Variants in GIPC2 observed in about 807,000 individuals in gnomAD.
GIPC2 encodes the protein PDZ domain-containing protein GIPC2.
A neutral mutation model predicts 30.6 loss-of-function variants in GIPC2; 30 were observed. The observed-to-expected ratio is 0.98, with a 90% CI of 0.73 to 1.33. The LOEUF (loss-of-function observed/expected upper bound fraction) is 1.33. Ranked by LOEUF, GIPC2 falls within the 40% of genes most tolerant of loss-of-function variation. GIPC2 has a pLI of 0.00. For synonymous variants in GIPC2, 167 were observed against 150.0 expected (o/e 1.11, Z -0.83); for missense variants, 414 against 390.3 (o/e 1.06, Z -0.51).
At chr1:78,102,434 T>C (rs1662266620) in intron 3 of GIPC2, among the ~76,000 whole-genome samples, 1 of 152,264 alleles carries the variant, frequency 6.6e-6, no homozygotes, top group Non-Finnish European at 1.5e-5. Context: ...ATTTAAAAAT[T>C]ACTTTTTATT....
chr1:78,121,315 G>A (rs1207868527), intron 4 of GIPC2, among the ~76,000 whole-genome samples: 1 of 152,152 alleles, frequency 6.6e-6, no homozygotes, highest in Admixed American at 6.5e-5. Flanking sequence ...ATGCCTGTGA[G>A]CTCGGGGGGG....
Position 78,126,247 on chromosome 1 carries a change from C to T in GIPC2, c.796+285C>T, listed in dbSNP as rs565714445. On this transcript the variant is annotated intron_variant, in intron 5 of 5. Coordinates refer to ENST00000370759, the MANE Select transcript of GIPC2 (RefSeq NM_017655.6). Reference sequence around the variant, plus strand: ...TGTTTGTTTGGATTTAAAAAATATACATAAAATGAATTTTGTAGATGATAC... The same window carrying T: ...TGTTTGTTTGGATTTAAAAAATATATATAAAATGAATTTTGTAGATGATAC... Among the ~76,000 whole-genome samples, 9 of 152,228 alleles carry T rather than the reference C, an allele frequency of 5.9e-5. No individual in the cohort carries two copies. In the South Asian group the frequency reaches 1.9e-3, roughly 32 times the overall value.
intron 1 of GIPC2, among the ~76,000 whole-genome samples, chr1:78,049,697 A>C (rs1661159825): frequency 6.6e-6 from 1 of 152,152 alleles, no homozygotes; most frequent in South Asian, 2.1e-4. Flanking sequence ...GTAAGCCTAC[A>C]GTGTGTTCAC....
intron 2 of GIPC2, among the ~76,000 whole-genome samples, chr1:78,087,878 A>G (rs1399717516): frequency 5.9e-5 from 9 of 152,196 alleles, no homozygotes; most frequent in Admixed American, 5.9e-4. Flanking sequence ...TAAAGGTCTA[A>G]TATCCAGCAT....
intron 5 of GIPC2, among the ~76,000 whole-genome samples, chr1:78,134,915 C>A (rs558206249): frequency 1.4e-4 from 21 of 152,226 alleles, no homozygotes; most frequent in Admixed American, 1.2e-3. Flanking sequence ...ACAGCTGGGG[C>A]AAGTCCTAAG....
chr1:78,048,844 A>G (rs770780065), intron 1 of GIPC2, among the ~76,000 whole-genome samples: 4 of 152,222 alleles, frequency 2.6e-5, no homozygotes, highest in Non-Finnish European at 5.9e-5. Flanking sequence ...CCAAGATAAT[A>G]TACACGAGTT....
At chr1:78,091,639 C>T in intron 2 of GIPC2, 2 of 771,426 alleles carry the variant, frequency 2.6e-6, no homozygotes, top group East Asian at 2.4e-5. Flanking sequence ...TCTGGTTATA[C>T]TGGAGAATAT....
chr1:78,091,737 T>A (rs1176231219), intron 2 of GIPC2: 3 of 775,592 alleles, frequency 3.9e-6, no homozygotes, highest in South Asian at 2.7e-5. Context: ...TACAAGAATG[T>A]TAAATTTGTT....
rs2102629755 is a variant in GIPC2, at chr1:78,046,139, G to T, written c.45G>T (p.Glu15Asp). ...GGAAGAAGAAGGCCAAGTCCAAGGA[G>T]ACCGCCGGGCTGGTGGAGGGCGAGC... The part of the protein sequence containing the change: ...LRGKKKAKSK[E>D]TAGLVEGEPT... The change falls in exon 1 of 6, where the codon GAG (glutamate) becomes GAT (aspartate). Residue 15 changes from glutamate to aspartate, a missense_variant. Coordinates refer to ENST00000370759, the MANE Select transcript of GIPC2 (RefSeq NM_017655.6). 2 of 1,531,108 alleles carry T rather than the reference G, an allele frequency of 1.3e-6. No homozygotes were observed. Among genetic ancestry groups the T allele is most frequent in the Non-Finnish European group, 1.8e-6 (2 of 1,141,820 alleles). 94.8% of individuals were successfully genotyped at this position (1,531,108 alleles called of 1,614,324 possible).
intron 2 of GIPC2, among the ~76,000 whole-genome samples, chr1:78,082,085 T>G (rs1012071610): frequency 6.6e-6 from 1 of 152,158 alleles, no homozygotes; most frequent in African/African-American, 2.4e-5. Context: ...ATTTTCGGCT[T>G]CTTTTGCTCA....
Position 78,090,922 on chromosome 1 carries a change from T to A in GIPC2, c.427-4030T>A, listed in dbSNP as rs1489638902. Among the ~76,000 whole-genome samples the A allele has an allele frequency of 5.3e-5, 8 of 152,122 alleles. No homozygotes were observed. The East Asian group carries it at 1.4e-3, about 26-fold the overall frequency. ...TCTGGAGACCATGATGAGGTGTTGA[T>A]GAGAAACAGCTTTAGTAGAAATAAG... On this transcript the variant is annotated intron_variant, in intron 2 of 5. Coordinates refer to ENST00000370759, the MANE Select transcript of GIPC2 (RefSeq NM_017655.6).
intron 1 of GIPC2, among the ~76,000 whole-genome samples, chr1:78,077,427 T>C (rs1661735982): frequency 6.6e-6 from 1 of 152,134 alleles, no homozygotes; most frequent in Admixed American, 6.5e-5. Context: ...GAAAATGAAA[T>C]AGTCATGGGT....
intron 2 of GIPC2, among the ~76,000 whole-genome samples, chr1:78,088,318 G>A (rs1473328340): frequency 6.6e-6 from 1 of 152,162 alleles, no homozygotes; most frequent in African/African-American, 2.4e-5. Flanking sequence ...CTGCAGCACT[G>A]TTCACAATAG....
At chr1:78,063,899 C>CA (rs763084989) in intron 1 of GIPC2, among the ~76,000 whole-genome samples, 8,421 of 63,140 alleles carry the variant, frequency 0.13, 349 homozygotes, top group South Asian at 0.31. Flanking sequence ...CTCAAAAAGA[C>CA]AAAAAAAAAA....
intron 3 of GIPC2, among the ~76,000 whole-genome samples, chr1:78,098,038 A>G (rs980780676): frequency 1.3e-5 from 2 of 152,060 alleles, no homozygotes; most frequent in African/African-American, 2.4e-5. Flanking sequence ...CCATTTTGCT[A>G]TTTCTTCTAA....
intron 4 of GIPC2, among the ~76,000 whole-genome samples, chr1:78,123,823 G>A (rs570218778): frequency 1.3e-5 from 2 of 152,288 alleles, no homozygotes; most frequent in South Asian, 4.1e-4. Flanking sequence ...AGATATAAAG[G>A]TTAATACCTG....
At chr1:78,121,356 C>CCAGTAT (rs1662680033) in intron 4 of GIPC2, among the ~76,000 whole-genome samples, 1 of 152,108 alleles carries the variant, frequency 6.6e-6, no homozygotes, top group African/African-American at 2.4e-5. Context: ...CTTCTAGGGT[C>CCAGTAT]TCTCTGTATG....
At chr1:78,081,706 A>G (rs1172236000) in intron 2 of GIPC2, among the ~76,000 whole-genome samples, 1 of 152,208 alleles carries the variant, frequency 6.6e-6, no homozygotes, top group Non-Finnish European at 1.5e-5. Flanking sequence ...AGGTAGTCTC[A>G]TCTCTTAAAA....
intron 1 of GIPC2, among the ~76,000 whole-genome samples, chr1:78,073,841 A>G (rs1661665962): frequency 1.3e-5 from 2 of 152,228 alleles, no homozygotes; most frequent in South Asian, 4.1e-4. Flanking sequence ...GCCACCAGAG[A>G]AAAAGCAATA....
Sources: gnomAD v4.1 joint callset for allele counts (sites outside exome capture counted in the v4.1 genomes callset) on GRCh38, gnomAD v4.1.1 for gene constraint, MANE v1.5 for transcripts, NCBI Gene and HGNC (gene_info 2026-07-23, HGNC 2026-07-21) for gene names.